The following ERC2 variants were observed in gnomAD, a reference collection of about 807,000 sequenced individuals.
ERC2 encodes ELKS/RAB6-interacting/CAST family member 2, also known as ERC protein 2.
ERC2 carries 42 observed loss-of-function variants against 114.8 expected under a neutral mutation model. The ratio of observed to expected loss-of-function variants is 0.37; its 90% CI spans 0.29 to 0.47. The LOEUF is 0.47. ERC2 is among the 20% of genes least tolerant of loss of function. The probability of loss-of-function intolerance (pLI) is 0.99; values close to 1 mark genes in which losing one functional copy is unlikely to be tolerated. For synonymous variants in ERC2, 454 were observed against 425.5 expected (o/e 1.07, Z -0.82); for missense variants, 939 against 1,150.7 (o/e 0.82, Z 2.66).
intron 13 of ERC2, among the ~76,000 whole-genome samples, chr3:55,897,799 G>A (rs1234213322): frequency 6.6e-6 from 1 of 152,112 alleles, no homozygotes; most frequent in Non-Finnish European, 1.5e-5. Context: ...CCCCACTGCT[G>A]CCTTAGAGTG....
intron 6 of ERC2, among the ~76,000 whole-genome samples, chr3:56,102,628 A>G (rs1345988246): frequency 6.6e-6 from 1 of 152,190 alleles, no homozygotes; most frequent in African/African-American, 2.4e-5. Context: ...TTAGGAATAT[A>G]TAATTAGACA....
At chr3:55,550,844 A>C (rs141035288) in intron 17 of ERC2, among the ~76,000 whole-genome samples, 2 of 151,796 alleles carry the variant, frequency 1.3e-5, no homozygotes, top group Non-Finnish European at 2.9e-5. Context: ...GTGAAACCCC[A>C]TCTCTACTAA....
At chr3:56,259,288 T>C (rs917945921) in intron 3 of ERC2, among the ~76,000 whole-genome samples, 1 of 152,290 alleles carries the variant, frequency 6.6e-6, no homozygotes, top group East Asian at 1.9e-4. Context: ...ACTATGTTTT[T>C]CTTTATAAAT....
intron 17 of ERC2, chr3:55,606,756 A>G (rs1449567987): frequency 6.6e-6 from 1 of 152,334 alleles, no homozygotes; most frequent in East Asian, 1.9e-4. Flanking sequence ...CCCACCTCCA[A>G]AAGGGTAAAA....
intron 12 of ERC2, among the ~76,000 whole-genome samples, chr3:55,961,899 T>A (rs1219238713): frequency 6.7e-6 from 1 of 149,480 alleles, no homozygotes; most frequent in Non-Finnish European, 1.5e-5. Context: ...ATTCTTCACA[T>A]TGACTTCTAC....
chr3:56,182,540 C>A (rs1304932380), intron 3 of ERC2, among the ~76,000 whole-genome samples: 2 of 152,194 alleles, frequency 1.3e-5, no homozygotes, highest in African/African-American at 2.4e-5. Flanking sequence ...TTAATGTGTT[C>A]AATCCCCAAA....
chr3:56,457,641 G>A (rs897424890), intron 1 of ERC2, among the ~76,000 whole-genome samples: 3 of 151,992 alleles, frequency 2.0e-5, no homozygotes, highest in Non-Finnish European at 4.4e-5. Flanking sequence ...CTTATGCCCT[G>A]TCACACTCTC....
intron 14 of ERC2, among the ~76,000 whole-genome samples, chr3:55,775,227 CAGAAAA>C (rs1468882064): frequency 6.6e-6 from 1 of 151,962 alleles, no homozygotes; most frequent in African/African-American, 2.4e-5. Context: ...ACATGAGAGA[CAGAAAA>C]AGAAAGAGAG....
chr3:55,779,901 T>C (rs1226781755), intron 14 of ERC2, among the ~76,000 whole-genome samples: 1 of 152,188 alleles, frequency 6.6e-6, no homozygotes, highest in Non-Finnish European at 1.5e-5. Context: ...TCTTTTTTTT[T>C]TGTTAAGTGC....
At chr3:55,638,101 C>T (rs1174596808) in intron 17 of ERC2, among the ~76,000 whole-genome samples, 1 of 152,194 alleles carries the variant, frequency 6.6e-6, no homozygotes, top group Non-Finnish European at 1.5e-5. Context: ...AGTGAGCCCG[C>T]TGGCCCAGGG....
intron 7 of ERC2, among the ~76,000 whole-genome samples, chr3:56,054,569 A>G (rs1371835286): frequency 6.6e-6 from 1 of 152,196 alleles, no homozygotes; most frequent in Non-Finnish European, 1.5e-5. Flanking sequence ...CCTGCTGGAT[A>G]CTTTTAACAT....
intron 17 of ERC2, among the ~76,000 whole-genome samples, chr3:55,532,805 G>A (rs150581904): frequency 1.1e-3 from 161 of 152,228 alleles, no homozygotes; most frequent in Admixed American, 3.2e-3. Context: ...TCAGTTAATC[G>A]GTTCACTTTT....
chr3:56,028,507 G>A (rs1298562368), intron 7 of ERC2, among the ~76,000 whole-genome samples: 1 of 152,020 alleles, frequency 6.6e-6, no homozygotes, highest in Non-Finnish European at 1.5e-5. Context: ...TCAGCATACA[G>A]ATCCTGCAGG....
chr3:55,971,500 A>G (rs1317826258), intron 12 of ERC2, among the ~76,000 whole-genome samples: 1 of 152,196 alleles, frequency 6.6e-6, no homozygotes, highest in Non-Finnish European at 1.5e-5. Context: ...GAAATTTTTT[A>G]GGCATAATGC....
intron 14 of ERC2, among the ~76,000 whole-genome samples, chr3:55,851,033 C>A (rs1041280633): frequency 6.6e-5 from 10 of 152,054 alleles, no homozygotes; most frequent in African/African-American, 1.9e-4. Context: ...GCCTGGAGAG[C>A]CAGACAGAAG....
intron 2 of ERC2, 121 bp from the exon 3 acceptor site, chr3:56,296,556 G>T (rs550061502): frequency 1.9e-6 from 2 of 1,072,524 alleles, no homozygotes; most frequent in African/African-American, 3.2e-5. Flanking sequence ...GGTCCGGAGG[G>T]CCAGCCATGA....
At chr3:55,561,972 C>A (rs184508261) in intron 17 of ERC2, among the ~76,000 whole-genome samples, 2 of 152,232 alleles carry the variant, frequency 1.3e-5, no homozygotes, top group Admixed American at 1.3e-4. Context: ...CAGAAGCCAT[C>A]CTGCCACCTC....
intron 1 of ERC2, among the ~76,000 whole-genome samples, chr3:56,455,397 A>T (rs969105865): frequency 6.6e-6 from 1 of 152,116 alleles, no homozygotes; most frequent in Non-Finnish European, 1.5e-5. Context: ...ACTAGTTGCC[A>T]TTGCACAACT....
At chr3:55,686,137 G>A (rs897228877) in intron 16 of ERC2, among the ~76,000 whole-genome samples, 2 of 152,004 alleles carry the variant, frequency 1.3e-5, no homozygotes, top group East Asian at 1.9e-4. Context: ...ACTGTTCCTC[G>A]TCCACCATAG....
Sources: gnomAD v4.1 joint callset for allele counts (sites outside exome capture counted in the v4.1 genomes callset) on GRCh38, gnomAD v4.1.1 for gene constraint, MANE v1.5 for transcripts, NCBI Gene and HGNC (gene_info 2026-07-23, HGNC 2026-07-21) for gene names.